Variants in RAMP1 observed in about 807,000 individuals in gnomAD.
The protein encoded by RAMP1 is receptor activity modifying protein 1, also known as receptor activity-modifying protein 1.
A neutral mutation model predicts 8.2 loss-of-function variants in RAMP1; 7 were observed. The observed-to-expected ratio is 0.85, with a 90% CI of 0.49 to 1.60. The LOEUF (loss-of-function observed/expected upper bound fraction) is 1.60. RAMP1 is among the 40% of genes most tolerant of loss of function. The probability of loss-of-function intolerance (pLI) is 0.00; values close to 1 mark genes in which losing one functional copy is unlikely to be tolerated. For missense variants in RAMP1, 192 were observed against 202.4 expected (o/e 0.95, Z 0.31); for synonymous variants, 92 against 84.7 (o/e 1.09, Z -0.47).
intron 2 of RAMP1, among the ~76,000 whole-genome samples, chr2:237,892,131 C>A (rs1345339324): frequency 6.6e-6 from 1 of 152,176 alleles, no homozygotes; most frequent in Non-Finnish European, 1.5e-5. Context: ...TGGAGAGTGG[C>A]AAGCCTTTTA....
At chr2:237,901,303 G>A (rs971222891) in intron 2 of RAMP1, among the ~76,000 whole-genome samples, 6 of 152,198 alleles carry the variant, frequency 3.9e-5, no homozygotes, top group African/African-American at 9.7e-5. Flanking sequence ...TCCCTGCCCC[G>A]GTGGTGTCTG....
At chr2:237,870,405 G>A (rs541416560) in intron 1 of RAMP1, among the ~76,000 whole-genome samples, 10 of 152,350 alleles carry the variant, frequency 6.6e-5, no homozygotes, top group Non-Finnish European at 1.0e-4. Flanking sequence ...TGGCCCATGC[G>A]GCGCGCTGGT....
At chr2:237,869,643 C>T (rs2062225393) in intron 1 of RAMP1, among the ~76,000 whole-genome samples, 1 of 152,230 alleles carries the variant, frequency 6.6e-6, no homozygotes, top group South Asian at 2.1e-4. Context: ...GGATAGACCA[C>T]ACTGTGTTTA....
intron 1 of RAMP1, among the ~76,000 whole-genome samples, chr2:237,863,062 C>T (rs764791599): frequency 1.3e-5 from 2 of 152,180 alleles, no homozygotes; most frequent in Non-Finnish European, 2.9e-5. Context: ...ACGGCAGGCT[C>T]AGGGGGCTCC....
At position 237,859,664 on chromosome 2, in the gene RAMP1, C is replaced by T. The variant is rs1307771691; in HGVS notation, c.-12C>T. 8 of 1,478,624 alleles carry T rather than the reference C, an allele frequency of 5.4e-6. No individual in the cohort carries two copies. The highest frequency in any genetic ancestry group is 7.2e-6 in the Non-Finnish European group (8 of 1,114,724). 91.6% of individuals were successfully genotyped at this position (1,478,624 alleles called of 1,614,324 possible). A position where few individuals can be genotyped will look rare whatever the true frequency, so the allele number is the denominator to read the frequency against. On this transcript the variant is annotated 5_prime_UTR_variant, in exon 1 of 3. Coordinates refer to ENST00000254661, the MANE Select transcript of RAMP1 (RefSeq NM_005855.4). ...CGTGGCGAGCGGACTCGACTCGGCA[C>T]CGCTGTGCACCATGGCCCGGGCCCT...
At position 237,909,003 on chromosome 2, in the gene RAMP1, C is replaced by T. The variant is rs575260384; in HGVS notation, c.192-2525C>T. ...GGCACAACTTCCACAGCAAGCCTGG[C>T]ATCACACTGGCATCATGGATACGGG... is the stretch of plus-strand genomic sequence containing the variant. On this transcript the variant is annotated intron_variant, in intron 2 of 2. Coordinates refer to ENST00000254661, the MANE Select transcript of RAMP1 (RefSeq NM_005855.4). Among the ~76,000 whole-genome samples the T allele has an allele frequency of 6.6e-5, 10 of 151,470 alleles. No homozygotes were observed. In the East Asian group the frequency reaches 1.9e-3, roughly 29 times the overall value.
intron 2 of RAMP1, among the ~76,000 whole-genome samples, chr2:237,899,622 G>A (rs1481968391): frequency 2.0e-5 from 3 of 152,226 alleles, no homozygotes; most frequent in Admixed American, 1.3e-4. Flanking sequence ...TTAGCATTGG[G>A]TAGGGGACTT....
rs553687558 is a variant in RAMP1, at chr2:237,908,716, G to A, written c.192-2812G>A. 1.1e-3 allele frequency among the ~76,000 whole-genome samples: 167 copies of A among 152,262 alleles called. 1 individual carries two copies. Among genetic ancestry groups the A allele is most frequent in the African/African-American group, 3.7e-3 (152 of 41,534 alleles). On this transcript the variant is annotated intron_variant, in intron 2 of 2. Coordinates refer to ENST00000254661, the MANE Select transcript of RAMP1 (RefSeq NM_005855.4). ...CTCCCAAAGTGCTGGGATTACAGGT[G>A]TTAAGCCACCACACCCAGCCAAGGC...
At chr2:237,899,592 A>G (rs535720798) in intron 2 of RAMP1, among the ~76,000 whole-genome samples, 1 of 152,342 alleles carries the variant, frequency 6.6e-6, no homozygotes, top group African/African-American at 2.4e-5. Context: ...AAAATATGCT[A>G]TGTGGCTAGA....
At chr2:237,870,864 G>C (rs1372622277) in intron 1 of RAMP1, among the ~76,000 whole-genome samples, 1 of 152,224 alleles carries the variant, frequency 6.6e-6, no homozygotes, top group Non-Finnish European at 1.5e-5. Flanking sequence ...ACGGATGCAA[G>C]AGAGGGACAA....
At chr2:237,869,791 G>A (rs1247480928) in intron 1 of RAMP1, 1 of 152,178 alleles carries the variant, frequency 6.6e-6, no homozygotes, top group Non-Finnish European at 1.5e-5. Context: ...CATATACCCC[G>A]GATCATTAGG....
chr2:237,859,952 G>A (rs904305411), intron 1 of RAMP1: 8 of 444,680 alleles, frequency 1.8e-5, no homozygotes, highest in Non-Finnish European at 3.2e-5. Flanking sequence ...TTCTCGCCGG[G>A]GAAGGGACGG....
At chr2:237,873,560 A>G (rs1036848894) in intron 1 of RAMP1, among the ~76,000 whole-genome samples, 1 of 152,172 alleles carries the variant, frequency 6.6e-6, no homozygotes, top group Admixed American at 6.5e-5. Flanking sequence ...CTCAAGCAAC[A>G]CTGAGTTCCT....
intron 2 of RAMP1, among the ~76,000 whole-genome samples, chr2:237,911,030 ACACTGT>A (rs1432311499): frequency 6.6e-6 from 1 of 152,110 alleles, no homozygotes; most frequent in African/African-American, 2.4e-5. Context: ...ACAGAGAATA[ACACTGT>A]CACACATTGA....
At chr2:237,895,547 G>C (rs7562608) in intron 2 of RAMP1, among the ~76,000 whole-genome samples, 38,929 of 152,134 alleles carry the variant, frequency 0.26, 5,138 homozygotes, top group South Asian at 0.33. Flanking sequence ...TGGCAAGGCT[G>C]CTACCCCGAT....
At chr2:237,891,341 A>G (rs922983412) in intron 2 of RAMP1, among the ~76,000 whole-genome samples, 4 of 152,066 alleles carry the variant, frequency 2.6e-5, no homozygotes, top group South Asian at 2.1e-4. Context: ...TAGTAGAGAC[A>G]GGGTTTCACC....
Position 237,878,954 on chromosome 2 carries a change from T to G in RAMP1, c.191+1592T>G, listed in dbSNP as rs551095449. Among the ~76,000 whole-genome samples the G allele has an allele frequency of 3.9e-4, 60 of 152,300 alleles. No homozygotes were observed. Among genetic ancestry groups the G allele is most frequent in the Middle Eastern group, 3.4e-3 (1 of 294 alleles). On this transcript the variant is annotated intron_variant, in intron 2 of 2. Coordinates refer to ENST00000254661, the MANE Select transcript of RAMP1 (RefSeq NM_005855.4). The surrounding 1 kb of genome is among the most constrained non-coding windows in gnomAD (Gnocchi z 5.7). Reference sequence around the variant, plus strand: ...AACCAGGGAGCCCACCCCAACCCTCTGGGGTCTCCAGGGGCCCTGTGCCCT... The same window carrying G: ...AACCAGGGAGCCCACCCCAACCCTCGGGGGTCTCCAGGGGCCCTGTGCCCT...
chr2:237,872,657 G>T (rs955551419), intron 1 of RAMP1, among the ~76,000 whole-genome samples: 1 of 152,232 alleles, frequency 6.6e-6, no homozygotes, highest in African/African-American at 2.4e-5. Flanking sequence ...CTCCTGGGCT[G>T]TGTGACTCTA....
At chr2:237,861,181 A>G (rs2062129792) in intron 1 of RAMP1, among the ~76,000 whole-genome samples, 1 of 152,194 alleles carries the variant, frequency 6.6e-6, no homozygotes, top group Admixed American at 6.5e-5. Flanking sequence ...ATAAAACACT[A>G]TGTCACGATC....
Sources: allele counts gnomAD v4.1 joint callset (sites outside exome capture counted in the v4.1 genomes callset), GRCh38; gene constraint gnomAD v4.1.1; non-coding constraint Gnocchi (gnomAD v3.1); transcripts MANE v1.5; gene names NCBI Gene and HGNC (gene_info 2026-07-23, HGNC 2026-07-21).